RASGRP3: variants seen among roughly 807,000 people sequenced by gnomAD.
The protein encoded by RASGRP3 is RAS guanyl releasing protein 3.
A neutral mutation model predicts 82.7 loss-of-function variants in RASGRP3; 54 were observed. The observed-to-expected ratio is 0.65, with a 90% CI of 0.52 to 0.82. The LOEUF is 0.82. Ranked by LOEUF, RASGRP3 falls within the 40% of genes least tolerant of loss-of-function variation. The pLI is 0.00. For synonymous variants in RASGRP3, 309 were observed against 300.5 expected (o/e 1.03, Z -0.29); for missense variants, 861 against 828.9 (o/e 1.04, Z -0.48).
chr2:33,472,934 C>T (rs1437307631), upstream of RASGRP3, among the ~76,000 whole-genome samples: 1 of 147,440 alleles, frequency 6.8e-6, no homozygotes, highest in East Asian at 2.0e-4. Context: ...TTGGAAAGAG[C>T]AGTTTCAGTG....
At chr2:33,471,515 A>G (rs1364640978) in intron 2 of RASGRP3, among the ~76,000 whole-genome samples, 2 of 151,518 alleles carry the variant, frequency 1.3e-5, no homozygotes, top group Non-Finnish European at 2.9e-5. Context: ...ACCTATGTTT[A>G]CGTATGAAGT....
chr2:33,487,799 A>G (rs1433159452), intron 1 of RASGRP3, among the ~76,000 whole-genome samples: 1 of 152,114 alleles, frequency 6.6e-6, no homozygotes, highest in African/African-American at 2.4e-5. Flanking sequence ...TGATTGCTGC[A>G]CCTTAAGAAA....
chr2:33,453,131 G>T (rs73926648), intron 2 of RASGRP3, among the ~76,000 whole-genome samples: 150 of 152,290 alleles, frequency 9.8e-4, no homozygotes, highest in African/African-American at 3.5e-3. Context: ...CTGTACTGGG[G>T]TAGGCATGGC....
At chr2:33,497,814 G>T (rs2150972334) in intron 1 of RASGRP3, among the ~76,000 whole-genome samples, 1 of 152,278 alleles carries the variant, frequency 6.6e-6, no homozygotes, top group Non-Finnish European at 1.5e-5. Context: ...CCCAGAGACA[G>T]CTAGTTTTAA....
rs186648603 is a variant in RASGRP3, at chr2:33,551,821, G to T, written c.1542+2070G>T. On this transcript the variant is annotated intron_variant, in intron 14 of 17. Transcript: ENST00000403687. Reference sequence around the variant, plus strand: ...ATCCTGGCTAACACGGTGAAACCCCGTCTCTACTAAAAATACAAAAAATTA... The same window carrying T: ...ATCCTGGCTAACACGGTGAAACCCCTTCTCTACTAAAAATACAAAAAATTA... 2.3e-3 allele frequency among the ~76,000 whole-genome samples: 349 copies of T among 152,034 alleles called. 1 individual carries two copies. The highest frequency in any genetic ancestry group is 8.2e-3 in the African/African-American group (341 of 41,462).
At chr2:33,539,062 G>A in intron 11 of RASGRP3, 32 bp from the exon 12 acceptor site, 1 of 1,427,984 alleles carries the variant, frequency 7.0e-7, no homozygotes, top group South Asian at 1.3e-5. Context: ...TAATAAAGTT[G>A]AAAAATATGT....
intron 1 of RASGRP3, among the ~76,000 whole-genome samples, chr2:33,489,647 C>T (rs1668687851): frequency 6.6e-6 from 1 of 152,090 alleles, no homozygotes; most frequent in Non-Finnish European, 1.5e-5. Context: ...CTCACTGTGA[C>T]CTCTCTGCCT....
At position 33,563,652 on chromosome 2, in the gene RASGRP3, TC is replaced by T; in HGVS notation, c.*916del. 1 of 151,758 alleles carries T rather than the reference TC, an allele frequency of 6.6e-6. No homozygotes were observed. The highest frequency in any genetic ancestry group is 3.4e-3 in the Middle Eastern group (1 of 294). The allele number at this position is 151,758 out of a possible 1,614,324, so 9.4% of individuals were successfully genotyped here. On this transcript the variant is annotated 3_prime_UTR_variant, in exon 18 of 18. Coordinates refer to ENST00000403687, the MANE Select transcript of RASGRP3 (RefSeq NM_001139488.2). Reference sequence around the variant, plus strand: ...TACTAGGTGAAATGCAAAACAACCATCAATTTTTTTAAACTCAATAATTTTG... The same window carrying T: ...TACTAGGTGAAATGCAAAACAACCATAATTTTTTTAAACTCAATAATTTTG...
intron 13 of RASGRP3, among the ~76,000 whole-genome samples, chr2:33,543,892 A>G (rs113455724): frequency 2.0e-5 from 3 of 152,338 alleles, no homozygotes; most frequent in African/African-American, 7.2e-5. Context: ...TATTGCTTCT[A>G]TTGCTTAGCT....
intron 12 of RASGRP3, among the ~76,000 whole-genome samples, chr2:33,542,118 T>C (rs1485996053): frequency 1.4e-5 from 2 of 146,902 alleles, no homozygotes; most frequent in East Asian, 3.9e-4. Context: ...AAAAGAAAAA[T>C]AAATAAATAA....
intron 10 of RASGRP3, chr2:33,534,032 A>C: frequency 2.8e-6 from 1 of 356,868 alleles, no homozygotes; most frequent in Admixed American, 4.1e-5. Context: ...CAGCCTGGAA[A>C]CATCACATAT....
upstream of RASGRP3, among the ~76,000 whole-genome samples, chr2:33,472,393 GCT>G (rs1438638284): frequency 1.3e-5 from 2 of 152,216 alleles, no homozygotes; most frequent in Non-Finnish European, 2.9e-5. Flanking sequence ...GCCCGGAGGG[GCT>G]TTCAGTCCTA....
At chr2:33,458,679 A>G (rs1359191218) in intron 2 of RASGRP3, among the ~76,000 whole-genome samples, 1 of 152,194 alleles carries the variant, frequency 6.6e-6, no homozygotes, top group Non-Finnish European at 1.5e-5. Context: ...GCCACAGTGC[A>G]GAAAATAGGG....
intron 1 of RASGRP3, among the ~76,000 whole-genome samples, chr2:33,480,961 G>A (rs575891188): frequency 1.3e-4 from 20 of 152,076 alleles, no homozygotes; most frequent in African/African-American, 4.6e-4. Context: ...GCCGGCATAA[G>A]GCACTTTCTT....
intron 9 of RASGRP3, among the ~76,000 whole-genome samples, chr2:33,526,075 T>G (rs1334095995): frequency 6.6e-6 from 1 of 152,198 alleles, no homozygotes; most frequent in African/African-American, 2.4e-5. Flanking sequence ...TCTTCACCCA[T>G]AGAATTAAAG....
At chr2:33,479,958 G>A (rs1667741904) in intron 1 of RASGRP3, among the ~76,000 whole-genome samples, 2 of 151,978 alleles carry the variant, frequency 1.3e-5, no homozygotes, top group South Asian at 2.1e-4. Context: ...GGATGTTTCT[G>A]AGGAAGTTAT....
At chr2:33,546,943 G>A (rs79690692) in intron 13 of RASGRP3, among the ~76,000 whole-genome samples, 326 of 151,696 alleles carry the variant, frequency 2.1e-3, no homozygotes, top group Non-Finnish European at 3.1e-3. Flanking sequence ...GACACATGTC[G>A]GAGGCTGAGG....
intron 1 of RASGRP3, among the ~76,000 whole-genome samples, chr2:33,496,257 G>A (rs1272299921): frequency 6.6e-6 from 1 of 152,170 alleles, no homozygotes; most frequent in Non-Finnish European, 1.5e-5. Context: ...AGTTTAAAAA[G>A]CAAGGCATTT....
At chr2:33,485,194 G>T (rs1668268421) in intron 1 of RASGRP3, among the ~76,000 whole-genome samples, 1 of 152,172 alleles carries the variant, frequency 6.6e-6, no homozygotes, top group East Asian at 1.9e-4. Flanking sequence ...GTGAAACTCT[G>T]TCTCAAAACA....
Sources: gnomAD v4.1 joint callset for allele counts (sites outside exome capture counted in the v4.1 genomes callset) on GRCh38, gnomAD v4.1.1 for gene constraint, MANE v1.5 for transcripts, NCBI Gene and HGNC (gene_info 2026-07-23, HGNC 2026-07-21) for gene names.